The following KIAA0586 variants were observed in gnomAD, a reference collection of about 807,000 sequenced individuals.
KIAA0586 encodes the protein protein TALPID3.
KIAA0586 carries 144 observed loss-of-function variants against 169.8 expected under a neutral mutation model. That is an observed-to-expected ratio of 0.85 (90% confidence interval 0.74 to 0.97). KIAA0586 has a LOEUF of 0.97. Among genes scored for constraint, KIAA0586 ranks in the 50% least tolerant of loss-of-function variants. The pLI, the probability that KIAA0586 is intolerant of heterozygous loss-of-function variation, is 0.00. For synonymous variants in KIAA0586, 625 were observed against 612.4 expected, an observed-to-expected ratio of 1.02 and a Z score of -0.30; for missense variants, 1,854 against 1,823.0, an observed-to-expected ratio of 1.02 and a Z score of -0.31.
chr14:58,461,845 A>T (rs946181052), intron 14 of KIAA0586, among the ~76,000 whole-genome samples: 1 of 152,232 alleles, frequency 6.6e-6, no homozygotes, highest in Non-Finnish European at 1.5e-5. Context: ...TTTTGTGCAC[A>T]ACTGAAAACA....
intron 27 of KIAA0586, among the ~76,000 whole-genome samples, chr14:58,505,779 G>A (rs565814921): frequency 5.3e-5 from 8 of 152,016 alleles, no homozygotes; most frequent in African/African-American, 1.9e-4. Context: ...AGTTTTTCTT[G>A]TTAGTTTTAA....
chr14:58,460,875 A>T, intron 13 of KIAA0586, 111 bp from the exon 14 acceptor site: 1 of 651,488 alleles, frequency 1.5e-6, no homozygotes, highest in Non-Finnish European at 2.3e-6. Flanking sequence ...GTTATTTTTT[A>T]CTTAATCATT....
chr14:58,458,434 A>G (rs1477129731), intron 11 of KIAA0586, 39 bp from the exon 12 acceptor site: 2 of 1,107,146 alleles, frequency 1.8e-6, no homozygotes, highest in Non-Finnish European at 2.7e-6. Flanking sequence ...TCAGGACAGT[A>G]AGTGCTAATT....
chr14:58,532,291 A>G (rs532958121), intron 29 of KIAA0586, among the ~76,000 whole-genome samples: 7 of 152,310 alleles, frequency 4.6e-5, no homozygotes, highest in African/African-American at 1.2e-4. Flanking sequence ...CTACATACCA[A>G]ATTGTTACTT....
intron 29 of KIAA0586, among the ~76,000 whole-genome samples, chr14:58,513,943 G>T (rs1355871246): frequency 6.6e-6 from 1 of 151,990 alleles, no homozygotes; most frequent in Non-Finnish European, 1.5e-5. Flanking sequence ...TGTGGAAAGG[G>T]TTTACAACAG....
Position 58,448,552 on chromosome 14 carries a change from A to C in KIAA0586, c.961+59A>C, listed in dbSNP as rs374880984. ...GTCAGCTGTGAATTTTCTTTGTGCT[A>C]CATAAGCTGAAAACATATTTCCTGA... On this transcript the variant is annotated intron_variant, in intron 7 of 30. Transcript: ENST00000652326. 36 of 1,252,008 alleles carry C rather than the reference A, an allele frequency of 2.9e-5. 1 individual carries two copies. The African/African-American group carries it at 4.8e-4, about 17-fold the overall frequency. The allele number at this position is 1,252,008 out of a possible 1,614,324, so 77.6% of individuals were successfully genotyped here.
intron 8 of KIAA0586, among the ~76,000 whole-genome samples, chr14:58,451,809 G>A (rs1037251176): frequency 5.3e-5 from 8 of 151,824 alleles, no homozygotes; most frequent in Admixed American, 3.3e-4. Flanking sequence ...TCAGCCTCCC[G>A]AGTAGCTGGG....
chr14:58,539,278 G>C, intron 29 of KIAA0586, among the ~76,000 whole-genome samples: 1 of 149,256 alleles, frequency 6.7e-6, no homozygotes, highest in East Asian at 1.9e-4. Context: ...TGAAGCTTAA[G>C]AGATAACTGA....
At chr14:58,427,444 T>C, upstream of KIAA0586, 1 of 709,454 alleles carries the variant, frequency 1.4e-6, no homozygotes, top group East Asian at 2.8e-5. Context: ...CAACAGTCCC[T>C]GGTAAACACA....
intron 8 of KIAA0586, among the ~76,000 whole-genome samples, chr14:58,451,753 A>G (rs766224969): frequency 9.2e-5 from 14 of 151,922 alleles, no homozygotes; most frequent in Non-Finnish European, 1.6e-4. Context: ...GCACCATCTC[A>G]GCTCACTGCA....
chr14:58,560,306 G>A, the KIAA0586 span, among the ~76,000 whole-genome samples: 3 of 152,208 alleles, frequency 2.0e-5, no homozygotes, highest in Admixed American at 2.0e-4. Flanking sequence ...ACAAATGAAT[G>A]AATGCATATG....
At chr14:58,541,834 A>G (rs1240251082) in intron 30 of KIAA0586, among the ~76,000 whole-genome samples, 1 of 152,192 alleles carries the variant, frequency 6.6e-6, no homozygotes, top group Non-Finnish European at 1.5e-5. Flanking sequence ...GCCAGGTTAA[A>G]TGACACACTG....
intron 30 of KIAA0586, among the ~76,000 whole-genome samples, chr14:58,545,373 AT>A (rs1477084412): frequency 1.3e-5 from 2 of 152,246 alleles, no homozygotes; most frequent in Non-Finnish European, 2.9e-5. Context: ...TTATTACAAC[AT>A]TGAGCAATTT....
At chr14:58,476,635 T>C (rs1465183012) in intron 19 of KIAA0586, among the ~76,000 whole-genome samples, 1 of 151,708 alleles carries the variant, frequency 6.6e-6, no homozygotes, top group Non-Finnish European at 1.5e-5. Context: ...ACAAGGAGAT[T>C]CTGTTTAGTG....
At chr14:58,493,766 A>AT (rs113785659) in intron 26 of KIAA0586, among the ~76,000 whole-genome samples, 44 of 152,316 alleles carry the variant, frequency 2.9e-4, no homozygotes, top group African/African-American at 1.1e-3. Flanking sequence ...AAATTCAAAA[A>AT]CATACTCTCA....
chr14:58,511,475 G>C (rs1352224685), intron 28 of KIAA0586, among the ~76,000 whole-genome samples: 1 of 152,140 alleles, frequency 6.6e-6, no homozygotes, highest in Non-Finnish European at 1.5e-5. Flanking sequence ...GCCTTACCCA[G>C]ATTTGAACAC....
chr14:58,460,217 T>A, intron 13 of KIAA0586, 147 bp downstream of exon 13: 1 of 570,840 alleles, frequency 1.8e-6, no homozygotes, highest in Non-Finnish European at 3.0e-6. Context: ...TATTGATACT[T>A]AGGGTTTTGG....
At chr14:58,481,657 A>G (rs1423604558) in intron 20 of KIAA0586, among the ~76,000 whole-genome samples, 1 of 151,900 alleles carries the variant, frequency 6.6e-6, no homozygotes, top group African/African-American at 2.4e-5. Flanking sequence ...GTAAATTTTC[A>G]TCTCCCTTTT....
the KIAA0586 span, among the ~76,000 whole-genome samples, chr14:58,560,510 T>G: frequency 1.3e-5 from 2 of 152,360 alleles, no homozygotes; most frequent in Non-Finnish European, 2.9e-5. Context: ...AAGTCTGAAG[T>G]CCATTGAAAA....
Sources: allele counts gnomAD v4.1 joint callset (sites outside exome capture counted in the v4.1 genomes callset), GRCh38; gene constraint gnomAD v4.1.1; transcripts MANE v1.5; gene names NCBI Gene and HGNC (gene_info 2026-07-23, HGNC 2026-07-21).